The following ENTREP2 variants were observed in gnomAD, a reference collection of about 807,000 sequenced individuals.
The protein encoded by ENTREP2 is endosomal transmembrane epsin interactor 2.
the ENTREP2 span, among the ~76,000 whole-genome samples, chr15:29,435,888 G>T: frequency 1.3e-5 from 2 of 152,036 alleles, no homozygotes; most frequent in African/African-American, 4.8e-5. Context: ...AGTCCCTCAG[G>T]CCTGGTTGCT....
the ENTREP2 span, among the ~76,000 whole-genome samples, chr15:29,262,138 G>A: frequency 2.0e-5 from 3 of 150,286 alleles, no homozygotes; most frequent in South Asian, 6.3e-4. Flanking sequence ...AAAAGAAAGA[G>A]AATCTATAAG....
the ENTREP2 span, among the ~76,000 whole-genome samples, chr15:29,323,753 TC>T: frequency 6.6e-6 from 1 of 152,008 alleles, no homozygotes; most frequent in African/African-American, 2.4e-5. Context: ...TGGTGGCCAC[TC>T]CCTGCTGTGT....
At chr15:29,570,220 G>C in the ENTREP2 span, among the ~76,000 whole-genome samples, 451 of 151,214 alleles carry the variant, frequency 3.0e-3, 4 homozygotes, top group Non-Finnish European at 4.9e-3. Context: ...TCCGGCCGCT[G>C]CGGGCTCGGA....
chr15:29,219,669 G>C, the ENTREP2 span, among the ~76,000 whole-genome samples: 1 of 94,922 alleles, frequency 1.1e-5, no homozygotes, highest in Non-Finnish European at 2.2e-5. Flanking sequence ...ATATATGATG[G>C]AATACTACTC....
chr15:29,169,537 A>C, the ENTREP2 span, among the ~76,000 whole-genome samples: 2 of 152,240 alleles, frequency 1.3e-5, no homozygotes, highest in African/African-American at 2.4e-5. Flanking sequence ...CTAGATGCAA[A>C]AGTCCTAAAT....
chr15:29,243,472 T>C, the ENTREP2 span, among the ~76,000 whole-genome samples: 5 of 152,182 alleles, frequency 3.3e-5, no homozygotes, highest in Admixed American at 1.3e-4. Flanking sequence ...AAGAGCACTG[T>C]GTATCAACAA....
At chr15:29,638,774 T>C in the ENTREP2 span, among the ~76,000 whole-genome samples, 1 of 151,752 alleles carries the variant, frequency 6.6e-6, no homozygotes, top group Admixed American at 6.6e-5. Context: ...TCCAGTGTTC[T>C]ATTTTTCTAT....
chr15:29,550,408 T>A, the ENTREP2 span, among the ~76,000 whole-genome samples: 3 of 152,222 alleles, frequency 2.0e-5, no homozygotes. Context: ...ATTTATTCCA[T>A]TTATTGCAAA....
chr15:29,232,034 C>T, the ENTREP2 span, among the ~76,000 whole-genome samples: 6 of 151,708 alleles, frequency 4.0e-5, no homozygotes, highest in Non-Finnish European at 7.4e-5. Context: ...GGATTACAGG[C>T]GTGGGCCACC....
At chr15:29,413,000 C>T in the ENTREP2 span, among the ~76,000 whole-genome samples, 2 of 151,928 alleles carry the variant, frequency 1.3e-5, no homozygotes, top group African/African-American at 4.8e-5. Flanking sequence ...TAAGGCTATT[C>T]ATTTGCATTA....
At chr15:29,660,935 C>T in the ENTREP2 span, among the ~76,000 whole-genome samples, 1 of 152,156 alleles carries the variant, frequency 6.6e-6, no homozygotes, top group Non-Finnish European at 1.5e-5. Context: ...TAAAGATGCA[C>T]AGATTTGGGT....
At chr15:29,293,493 T>C in the ENTREP2 span, among the ~76,000 whole-genome samples, 2 of 152,062 alleles carry the variant, frequency 1.3e-5, no homozygotes, top group African/African-American at 4.8e-5. Context: ...CCTGACCTTG[T>C]GATCCGCCCG....
At chr15:29,606,551 G>A in the ENTREP2 span, among the ~76,000 whole-genome samples, 2 of 151,980 alleles carry the variant, frequency 1.3e-5, no homozygotes, top group South Asian at 4.2e-4. Flanking sequence ...CAGTTTTTCT[G>A]GGTATAACAT....
the ENTREP2 span, among the ~76,000 whole-genome samples, chr15:29,388,880 T>C: frequency 3.5e-5 from 5 of 144,410 alleles, no homozygotes; most frequent in African/African-American, 1.0e-4. Flanking sequence ...AACCAAACAC[T>C]GCATGTTCTC....
the ENTREP2 span, among the ~76,000 whole-genome samples, chr15:29,207,310 T>A: frequency 6.6e-6 from 1 of 152,110 alleles, no homozygotes; most frequent in Non-Finnish European, 1.5e-5. Flanking sequence ...ACTTCAAGAA[T>A]GAGGCCGCAG....
the ENTREP2 span, among the ~76,000 whole-genome samples, chr15:29,673,654 C>A: frequency 2.0e-5 from 3 of 152,192 alleles, no homozygotes; most frequent in African/African-American, 7.2e-5. Flanking sequence ...TAATTTCTAA[C>A]CTTACAGCTA....
the ENTREP2 span, among the ~76,000 whole-genome samples, chr15:29,201,093 G>T: frequency 1.3e-5 from 2 of 152,000 alleles, no homozygotes; most frequent in Non-Finnish European, 2.9e-5. Context: ...ATTGAATTTT[G>T]TATGTTTATC....
the ENTREP2 span, among the ~76,000 whole-genome samples, chr15:29,402,438 C>T: frequency 6.6e-6 from 1 of 152,060 alleles, no homozygotes; most frequent in African/African-American, 2.4e-5. Context: ...ATTTCGGCCT[C>T]CCGAATAGCA....
At chr15:29,525,218 T>C in the ENTREP2 span, among the ~76,000 whole-genome samples, 3 of 152,224 alleles carry the variant, frequency 2.0e-5, no homozygotes, top group African/African-American at 4.8e-5. Context: ...GTTAAATCCA[T>C]AGTTACATAT....
Sources: allele counts gnomAD v4.1 joint callset (sites outside exome capture counted in the v4.1 genomes callset), GRCh38; gene constraint gnomAD v4.1.1; transcripts MANE v1.5; gene names NCBI Gene and HGNC (gene_info 2026-07-23, HGNC 2026-07-21).